PRDM11: variants seen among roughly 807,000 people sequenced by gnomAD.
PRDM11 encodes the protein PR domain-containing protein 11.
In PRDM11, 20 loss-of-function variants were observed where a neutral mutation model predicts 97.8. That is an observed-to-expected ratio of 0.20 (90% CI 0.14 to 0.30). The LOEUF (loss-of-function observed/expected upper bound fraction) is 0.30, where lower values mean the gene tolerates loss of function less well. PRDM11 is among the 10% of genes least tolerant of loss of function. The pLI, the probability that PRDM11 is intolerant of heterozygous loss-of-function variation, is 1.00. For synonymous variants in PRDM11, 599 were observed against 637.7 expected (o/e 0.94, Z 0.91); for missense variants, 1,139 against 1,555.2 (o/e 0.73, Z 4.50).
chr11:45,190,438 G>A (rs1217567767), intron 4 of PRDM11, among the ~76,000 whole-genome samples: 10 of 150,794 alleles, frequency 6.6e-5, no homozygotes, highest in Admixed American at 4.6e-4. Context: ...ATGAGCCACC[G>A]CGCCCGGCCA....
rs546614145 is a variant in PRDM11, at chr11:45,219,451, A to G, written c.555-119A>G. 1.3e-5 allele frequency: 13 copies of G among 987,318 alleles called. No individual in the cohort carries two copies. In the Admixed American group the frequency reaches 2.1e-4, roughly 16 times the overall value. The allele number at this position is 987,318 out of a possible 1,614,324, so 61.2% of individuals were successfully genotyped here. On this transcript the variant is annotated intron_variant, in intron 5 of 7. Transcript: ENST00000683152. This position sits in a 1 kb window ranked among gnomAD's most constrained non-coding sequence, Gnocchi z 4.2. ...GGGCAGCTGCTCTGCTGATGTTCACATGGGCCCACGTGCCTGTGGACTTCT... is the reference window on the plus strand; with the variant it reads ...GGGCAGCTGCTCTGCTGATGTTCACGTGGGCCCACGTGCCTGTGGACTTCT...
At chr11:45,168,387 C>G (rs1228329739) in intron 1 of PRDM11, among the ~76,000 whole-genome samples, 1 of 152,132 alleles carries the variant, frequency 6.6e-6, no homozygotes, top group Non-Finnish European at 1.5e-5. Context: ...CCTACATCCC[C>G]AAATAGAGAC....
intron 4 of PRDM11, among the ~76,000 whole-genome samples, chr11:45,198,035 G>C (rs1853193350): frequency 6.6e-6 from 1 of 152,080 alleles, no homozygotes; most frequent in Admixed American, 6.6e-5. Flanking sequence ...ATAATAAAAG[G>C]AAGTTTTGGA....
chr11:45,156,318 C>A (rs1005209831), intron 1 of PRDM11, among the ~76,000 whole-genome samples: 5 of 152,248 alleles, frequency 3.3e-5, no homozygotes, highest in Non-Finnish European at 5.9e-5. Context: ...CATTTTCAAA[C>A]CTTCCCATCC....
Position 45,197,159 on chromosome 11 carries a change from T to C in PRDM11, c.487-7552T>C, listed in dbSNP as rs117196966. On this transcript the variant is annotated intron_variant, in intron 4 of 7. Coordinates refer to ENST00000683152, the MANE Select transcript of PRDM11 (RefSeq NM_001384648.1). ...CTCATTAACTAGGTCTCCAGAGTCT[T>C]TTTAAGCAGTAAAAAGAAGGAAATT... is the stretch of plus-strand genomic sequence containing the variant. 6.8e-4 allele frequency among the ~76,000 whole-genome samples: 104 copies of C among 152,310 alleles called. 2 individuals are homozygous for C. In the East Asian group the frequency reaches 0.015, roughly 21 times the overall value.
rs1336549612 is a variant in PRDM11, at chr11:45,226,606, A to G, written c.1981A>G (p.Ile661Val). 2 of 1,533,962 alleles carry G rather than the reference A, an allele frequency of 1.3e-6. No individual in the cohort carries two copies. The change falls in exon 8 of 8, where the codon ATC becomes GTC. Residue 661 changes from isoleucine (I) to valine (V), a missense_variant. Coordinates refer to ENST00000683152, the MANE Select transcript of PRDM11 (RefSeq NM_001384648.1). ...RIRQSPCLSV[I>V]LDGQSDDLLA... ...CCGCCAGTCACCTTGCCTCAGCGTC[A>G]TCCTGGATGGGCAGAGCGACGACCT...
chr11:45,165,127 C>T (rs1852028657), intron 1 of PRDM11, among the ~76,000 whole-genome samples: 1 of 152,172 alleles, frequency 6.6e-6, no homozygotes, highest in Admixed American at 6.5e-5. Flanking sequence ...CTGGGATTCT[C>T]ATCCAGGGAG....
chr11:45,167,801 A>G (rs1025504717), intron 1 of PRDM11, among the ~76,000 whole-genome samples: 4 of 129,466 alleles, frequency 3.1e-5, no homozygotes, highest in African/African-American at 1.2e-4. Context: ...ACACACACAC[A>G]CGCCATACTC....
At chr11:45,139,187 G>A (rs1221901929) in intron 1 of PRDM11, among the ~76,000 whole-genome samples, 1 of 152,158 alleles carries the variant, frequency 6.6e-6, no homozygotes, top group East Asian at 1.9e-4. Context: ...TAAGGGTGTC[G>A]GGGAAACAAG....
Position 45,228,164 on chromosome 11 carries a change from C to G in PRDM11, c.*5C>G, listed in dbSNP as rs1166986662. On this transcript the variant is annotated 3_prime_UTR_variant, in exon 8 of 8. Transcript: ENST00000683152. Reference sequence around the variant, plus strand: ...GAGTTTTACCCCGACATTTAGGGAGCTGGCGCTGCAGAGTTCACTAAGCTG... The same window carrying G: ...GAGTTTTACCCCGACATTTAGGGAGGTGGCGCTGCAGAGTTCACTAAGCTG... 10 of 1,515,826 alleles carry G rather than the reference C, an allele frequency of 6.6e-6. No homozygotes were observed. Among genetic ancestry groups the G allele is most frequent in the Non-Finnish European group, 8.8e-6 (10 of 1,135,602 alleles). 93.9% of individuals were successfully genotyped at this position (1,515,826 alleles called of 1,614,324 possible).
intron 1 of PRDM11, among the ~76,000 whole-genome samples, chr11:45,117,226 CA>C (rs34073689): frequency 0.032 from 2,634 of 82,122 alleles, 34 homozygotes; most frequent in African/African-American, 0.11. Flanking sequence ...GACTCCATCT[CA>C]AAAAAAAAAA....
intron 5 of PRDM11, chr11:45,209,358 A>G: frequency 3.0e-6 from 1 of 331,718 alleles, no homozygotes; most frequent in Non-Finnish European, 5.9e-6. Context: ...TACAGTCCAC[A>G]GTCTCCCACC....
At chr11:45,130,995 A>C (rs1852706828) in intron 1 of PRDM11, among the ~76,000 whole-genome samples, 1 of 152,232 alleles carries the variant, frequency 6.6e-6, no homozygotes, top group Non-Finnish European at 1.5e-5. Flanking sequence ...AGAGTTAGAC[A>C]CAACTCAAAT....
chr11:45,171,968 G>A (rs1852212759), intron 1 of PRDM11, among the ~76,000 whole-genome samples: 1 of 152,186 alleles, frequency 6.6e-6, no homozygotes, highest in African/African-American at 2.4e-5. Context: ...CAAGATAAGA[G>A]CTCAGTTACA....
chr11:45,228,896 C>G lies in PRDM11; in HGVS notation c.*737C>G, dbSNP rs3758719. On this transcript the variant is annotated 3_prime_UTR_variant, in exon 8 of 8. Coordinates refer to ENST00000683152, the MANE Select transcript of PRDM11 (RefSeq NM_001384648.1). The stretch of plus-strand genomic sequence containing the variant: ...TGTGGATCCCTTCCTTCCAGCCCCC[C>G]CTGGAAACTCACAATATTACCCATT... 7.2e-5 allele frequency: 11 copies of G among 152,032 alleles called. No individual in the cohort carries two copies. Among genetic ancestry groups the G allele is most frequent in the African/African-American group, 1.2e-4 (5 of 41,384 alleles). The allele number at this position is 152,032 out of a possible 1,614,324, so 9.4% of individuals were successfully genotyped here. A position where few individuals can be genotyped will look rare whatever the true frequency, so the allele number is the denominator to read the frequency against.
At chr11:45,154,217 T>G (rs1232106194) in intron 1 of PRDM11, among the ~76,000 whole-genome samples, 4 of 151,942 alleles carry the variant, frequency 2.6e-5, no homozygotes, top group Admixed American at 2.6e-4. Context: ...TTACCTGGGC[T>G]TGGTGATGTG....
intron 2 of PRDM11, 151 bp from the exon 3 acceptor site, chr11:45,182,095 A>T (rs1430315739): frequency 5.5e-6 from 4 of 728,378 alleles, no homozygotes; most frequent in Non-Finnish European, 9.0e-6. Context: ...TTTTTCCACC[A>T]CCTCCTGCAC....
intron 4 of PRDM11, among the ~76,000 whole-genome samples, chr11:45,195,262 C>A (rs1340626435): frequency 6.6e-6 from 1 of 152,124 alleles, no homozygotes; most frequent in Non-Finnish European, 1.5e-5. Flanking sequence ...ATGTATGATT[C>A]AATGATTTTG....
At chr11:45,202,301 G>A (rs1057334056) in intron 4 of PRDM11, among the ~76,000 whole-genome samples, 2 of 152,118 alleles carry the variant, frequency 1.3e-5, no homozygotes, top group Non-Finnish European at 1.5e-5. Context: ...TTACCAAATC[G>A]ACAAATAGAT....
Sources: gnomAD v4.1 joint callset for allele counts (sites outside exome capture counted in the v4.1 genomes callset) on GRCh38, gnomAD v4.1.1 for gene constraint, Gnocchi (gnomAD v3.1) non-coding constraint, MANE v1.5 for transcripts, NCBI Gene and HGNC (gene_info 2026-07-23, HGNC 2026-07-21) for gene names.